Variants in PRMT2 observed in about 807,000 individuals in gnomAD.
PRMT2 encodes protein arginine methyltransferase 2, also known as protein arginine N-methyltransferase 2.
In PRMT2, 26 loss-of-function variants were observed where a neutral mutation model predicts 57.6. The observed-to-expected ratio is 0.45, with a 90% CI of 0.33 to 0.63. The LOEUF is 0.63. Ranked by LOEUF, PRMT2 falls within the 20% of genes least tolerant of loss-of-function variation. The probability of loss-of-function intolerance (pLI) is 0.02; values close to 1 mark genes in which losing one functional copy is unlikely to be tolerated. For synonymous variants in PRMT2, 219 were observed against 220.0 expected, an observed-to-expected ratio of 1.00 and a Z score of 0.04; for missense variants, 472 against 564.4, an observed-to-expected ratio of 0.84 and a Z score of 1.66.
chr21:46,662,032 C>T (rs1174588803), intron 10 of PRMT2, 96 bp downstream of exon 10: 1 of 21,642 alleles, frequency 4.6e-5, no homozygotes, highest in Admixed American at 7.4e-4. Flanking sequence ...TGGGACGCGG[C>T]GTGGCGGTCG....
chr21:46,641,737 G>A (rs1234195149), intron 3 of PRMT2, among the ~76,000 whole-genome samples: 1 of 151,126 alleles, frequency 6.6e-6, no homozygotes, highest in African/African-American at 2.4e-5. Flanking sequence ...GTGTGTGTGT[G>A]TGTGTGTGTG....
chr21:46,635,708 C>A lies in PRMT2; in HGVS notation c.-221C>A, dbSNP rs956602098. 1 of 152,424 alleles carries A rather than the reference C, an allele frequency of 6.6e-6. No individual in the cohort carries two copies. Among genetic ancestry groups the A allele is most frequent in the East Asian group, 1.9e-4 (1 of 5,190 alleles). 9.4% of individuals were successfully genotyped at this position (152,424 alleles called of 1,614,324 possible). ...GGCTCAGGCTCCTGGAAAGGACCGT[C>A]CACCCCTCCGCGCTGGCGGTGTGGA... is the stretch of plus-strand genomic sequence containing the variant. On this transcript the variant is annotated 5_prime_UTR_variant, in exon 1 of 12. Coordinates refer to ENST00000355680, the MANE Select transcript of PRMT2 (RefSeq NM_206962.4).
intron 11 of PRMT2, 71 bp from the exon 12 acceptor site, chr21:46,664,224 C>T: frequency 7.5e-7 from 1 of 1,329,776 alleles, no homozygotes; most frequent in East Asian, 2.3e-5. Flanking sequence ...AATATTAAAC[C>T]ATTAGGAAAT....
chr21:46,643,649 C>T lies in PRMT2; in HGVS notation c.144+10C>T, dbSNP rs747632948. ...CACCGATGAGACCCAGGTAGCCACA[C>T]GTGGTGGTTAATGCTTTATGGCTTT... On this transcript the variant is annotated intron_variant, in intron 4 of 11. Transcript: ENST00000355680. 37 of 1,593,592 alleles carry T rather than the reference C, an allele frequency of 2.3e-5. No individual in the cohort carries two copies. In the East Asian group the frequency reaches 2.7e-4, roughly 12 times the overall value.
rs200381021 is a variant in PRMT2, at chr21:46,649,746, G to T, written c.654+7G>T. 4.3e-6 allele frequency: 7 copies of T among 1,610,898 alleles called. No individual in the cohort carries two copies. In the Admixed American group the frequency reaches 1.0e-4, roughly 23 times the overall value. ...GATGGGGACCTGCCTGCTGGTGAGG[G>T]CGGGCGTGCGGGCAGCTGGGGGCCG... On this transcript the variant is annotated splice_region_variant and intron_variant, in intron 7 of 11. Transcript: ENST00000355680. The surrounding 1 kb of genome is among the most constrained non-coding windows in gnomAD (Gnocchi z 4.8).
intron 5 of PRMT2, among the ~76,000 whole-genome samples, chr21:46,647,477 T>C (rs894236934): frequency 6.6e-6 from 1 of 152,188 alleles, no homozygotes; most frequent in African/African-American, 2.4e-5. Context: ...AGAACTGTTA[T>C]GATTCTGTGT....
In PRMT2 at chr21:46,665,111, TTTA is replaced by T. The variant is rs1294625725; in HGVS notation, c.*787_*789del. 2 of 152,188 alleles carry T rather than the reference TTTA, an allele frequency of 1.3e-5. No homozygotes were observed. Among genetic ancestry groups the T allele is most frequent in the Non-Finnish European group, 2.9e-5 (2 of 68,040 alleles). 9.4% of individuals were successfully genotyped at this position (152,188 alleles called of 1,614,324 possible). ...TGTATTGTTTTGATTTTTATTAAAT[TTTA>T]TTGAAATATAGGCTGGGTGCAGTGG... On this transcript the variant is annotated 3_prime_UTR_variant, in exon 12 of 12. Coordinates refer to ENST00000355680, the MANE Select transcript of PRMT2 (RefSeq NM_206962.4).
Position 46,641,946 on chromosome 21 carries a change from G to A in PRMT2, c.40-1589G>A, listed in dbSNP as rs184064031. On this transcript the variant is annotated intron_variant, in intron 3 of 11. Transcript: ENST00000355680. ...ACGAAGGGTACAAATAGACAGTAAG[G>A]TAAAAAAAGATGCCAGCAAGTATTT... is the stretch of plus-strand genomic sequence containing the variant. Among the ~76,000 whole-genome samples the A allele has an allele frequency of 2.3e-4, 35 of 152,186 alleles. No homozygotes were observed. The East Asian group carries it at 2.3e-3, about 10-fold the overall frequency.
chr21:46,644,453 C>T lies in PRMT2; in HGVS notation c.292C>T (p.Gln98Ter), dbSNP rs1286619153. 1.3e-6 allele frequency: 2 copies of T among 1,594,480 alleles called. No homozygotes were observed. The highest frequency in any genetic ancestry group is 2.7e-5 in the African/African-American group (2 of 73,672). ...TGAGTACGACCCCGAGGACACGTGG[C>T]AGGATGAAGAGTACTTCGGCAGCTA... ...VDEYDPEDTWQDEEYFGSYGT... is the reference protein window; with the variant it reads ...VDEYDPEDTW The change falls in exon 5 of 12, where the codon CAG becomes TAG. Residue 98 changes from glutamine to a stop codon, truncating the protein, a stop_gained. Coordinates refer to ENST00000355680, the MANE Select transcript of PRMT2 (RefSeq NM_206962.4). LOFTEE classifies it high-confidence loss of function.
At chr21:46,651,888 C>T (rs776189116) in intron 7 of PRMT2, 7 of 1,612,834 alleles carry the variant, frequency 4.3e-6, no homozygotes, top group South Asian at 2.2e-5. Context: ...TGCTGTCTGC[C>T]TCTCCCCTGC....
intron 10 of PRMT2, among the ~76,000 whole-genome samples, chr21:46,662,761 G>A (rs908350319): frequency 2.6e-5 from 4 of 152,194 alleles, no homozygotes; most frequent in Non-Finnish European, 5.9e-5. Context: ...AGAGCCTGAG[G>A]AACTTAGAGA....
chr21:46,647,968 T>C (rs185649481), intron 5 of PRMT2, among the ~76,000 whole-genome samples: 147 of 152,240 alleles, frequency 9.7e-4, no homozygotes, highest in Non-Finnish European at 7.2e-4. Context: ...TCTCCAGCAG[T>C]TCTTTTTTTT....
At chr21:46,656,490 G>C (rs1183015960) in intron 7 of PRMT2, among the ~76,000 whole-genome samples, 1 of 152,186 alleles carries the variant, frequency 6.6e-6, no homozygotes. Context: ...TGAAGGGACA[G>C]ACACGTAAGT....
chr21:46,649,542 G>A lies in PRMT2; in HGVS notation c.490-33G>A, dbSNP rs373888807. On this transcript the variant is annotated intron_variant, in intron 6 of 11. Transcript: ENST00000355680. The surrounding 1 kb of genome is among the most constrained non-coding windows in gnomAD (Gnocchi z 4.8). ...GTAGATGACGGGCCGTGTGCCGGCC[G>A]GATGTACGCTGACGGTGCCTCTGCT... is the stretch of plus-strand genomic sequence containing the variant. 1.4e-5 allele frequency: 23 copies of A among 1,613,478 alleles called. No individual in the cohort carries two copies. The highest frequency in any genetic ancestry group is 4.5e-5 in the East Asian group (2 of 44,898).
At position 46,658,913 on chromosome 21, in the gene PRMT2, G is replaced by A. The variant is rs142820146; in HGVS notation, c.823G>A (p.Ala275Thr). 219 of 1,613,226 alleles carry A rather than the reference G, an allele frequency of 1.4e-4. 1 individual carries two copies. Among genetic ancestry groups the A allele is most frequent in the Non-Finnish European group, 3.7e-5 (44 of 1,179,476 alleles). The change falls in exon 8 of 12, where the codon GCT (alanine) becomes ACT (threonine). Residue 275 changes from alanine to threonine, a missense_variant. Around this residue, in one of 2 missense-constraint regions of PRMT2, gnomAD observed 229 missense variants for 217.2 expected, o/e 1.05. Coordinates refer to ENST00000355680, the MANE Select transcript of PRMT2 (RefSeq NM_206962.4). The part of the protein sequence containing the change: ...WDNAYEFNLS[A>T]LKSLAVKEFF... ...CAACGCGTACGAGTTCAACCTCAGC[G>A]CTCTGAAGTAAGTGTCCACAGCTGG...
rs182735101 is a variant in PRMT2 at position 46,659,491 on chromosome 21, T to C, written c.830+571T>C. On this transcript the variant is annotated intron_variant, in intron 8 of 11. Transcript: ENST00000355680. The stretch of plus-strand genomic sequence containing the variant: ...GAAAGAGATGACTAGCCAGATGGAA[T>C]TGCAGCCCAATCATGTGAACAGGCA... 51 of 982,458 alleles carry C rather than the reference T, an allele frequency of 5.2e-5. No homozygotes were observed. In the Admixed American group the frequency reaches 5.5e-4, roughly 11 times the overall value. 60.9% of individuals were successfully genotyped at this position (982,458 alleles called of 1,614,324 possible).
In PRMT2 at chr21:46,664,672, A is replaced by G. The variant is rs1454557730; in HGVS notation, c.*345A>G. On this transcript the variant is annotated 3_prime_UTR_variant, in exon 12 of 12. Coordinates refer to ENST00000355680, the MANE Select transcript of PRMT2 (RefSeq NM_206962.4). ...AGGTCTACACTCCTAGGACGCACGC[A>G]TATCAGCCCGTGTACCCTGTGACAG... 1.1e-5 allele frequency: 4 copies of G among 356,650 alleles called. No homozygotes were observed. Among genetic ancestry groups the G allele is most frequent in the Admixed American group, 4.0e-5 (1 of 25,028 alleles). 22.1% of individuals were successfully genotyped at this position (356,650 alleles called of 1,614,324 possible).
In PRMT2 at chr21:46,653,273, T is replaced by C. The variant is rs1168042966; in HGVS notation, c.654+3534T>C. ...GACTGTATTATCACAAATCCTGAGC[T>C]TAACGAAAGTCTTTATAAGTCAGCT... On this transcript the variant is annotated intron_variant, in intron 7 of 11. Coordinates refer to ENST00000355680, the MANE Select transcript of PRMT2 (RefSeq NM_206962.4). 5.1e-6 allele frequency: 5 copies of C among 985,306 alleles called. No homozygotes were observed. The South Asian group carries it at 1.4e-4, about 28-fold the overall frequency. The allele number at this position is 985,306 out of a possible 1,614,324, so 61.0% of individuals were successfully genotyped here.
In PRMT2 at chr21:46,648,942, G is replaced by A. The variant is rs2148981858; in HGVS notation, c.489+323G>A. Among the ~76,000 whole-genome samples the A allele has an allele frequency of 6.6e-6, 1 of 152,328 alleles. No homozygotes were observed. Among genetic ancestry groups the A allele is most frequent in the Admixed American group, 6.5e-5 (1 of 15,312 alleles). ...TTATTTCAGTTGAGTAGAGAAACAC[G>A]TGCACCCACATGTCTGTGCTGGGCC... On this transcript the variant is annotated intron_variant, in intron 6 of 11. Coordinates refer to ENST00000355680, the MANE Select transcript of PRMT2 (RefSeq NM_206962.4). The surrounding 1 kb of genome is among the most constrained non-coding windows in gnomAD (Gnocchi z 4.8).
Sources: gnomAD v4.1 joint callset for allele counts (sites outside exome capture counted in the v4.1 genomes callset) on GRCh38, gnomAD v4.1.1 for gene constraint, gnomAD v4.1.1 regional missense constraint, Gnocchi (gnomAD v3.1) non-coding constraint, MANE v1.5 for transcripts, NCBI Gene and HGNC (gene_info 2026-07-23, HGNC 2026-07-21) for gene names.